Variants in H2BC5 observed in about 807,000 individuals in gnomAD.
The protein encoded by H2BC5 is histone H2B type 1-D.
A neutral mutation model predicts 5.7 loss-of-function variants in H2BC5; 9 were observed. The ratio of observed to expected loss-of-function variants is 1.57; its 90% CI spans 0.95 to 2.74. The LOEUF (loss-of-function observed/expected upper bound fraction) is 2.74, where lower values mean the gene tolerates loss of function less well. H2BC5 is among the 30% of genes most tolerant of loss of function. The pLI is 0.00. For synonymous variants in H2BC5, 133 were observed against 70.9 expected, an observed-to-expected ratio of 1.88 and a Z score of -4.40; for missense variants, 175 against 168.8, an observed-to-expected ratio of 1.04 and a Z score of -0.20.
At position 26,158,379 on chromosome 6, in the gene H2BC5, C is replaced by T. The variant is rs868416567; in HGVS notation, c.210C>T (p.Ile70=). The change falls in exon 1 of 1, where the codon ATC becomes ATT. Residue 70 remains isoleucine (I), a synonymous_variant. Coordinates refer to ENST00000377777, the MANE Select transcript of H2BC5 (RefSeq NM_021063.4). ...TCATGAATTCCTTCGTCAACGACAT[C>T]TTCGAGCGCATCGCAGGCGAGGCTT... ...MGIMNSFVND[I]FERIAGEASR... 6 of 1,614,146 alleles carry T rather than the reference C, an allele frequency of 3.7e-6. No individual in the cohort carries two copies. The highest frequency in any genetic ancestry group is 5.1e-6 in the Non-Finnish European group (6 of 1,180,052).
In H2BC5 at chr6:26,158,429, G is replaced by A. The variant is rs1166967098; in HGVS notation, c.260G>A (p.Arg87His). Residue 87 changes from arginine to histidine, a missense_variant, in exon 1 of 1, where the codon CGC (arginine) becomes CAC (histidine). By Grantham distance (29) the Arg-to-His change is conservative (BLOSUM62 0). Transcript: ENST00000377777. ...EASRLAHYNK[R>H]STITSREIQT... ...TCCCGCCTGGCGCATTACAACAAGCGCTCGACCATCACCTCCAGGGAGATC... is the reference window on the plus strand; with the variant it reads ...TCCCGCCTGGCGCATTACAACAAGCACTCGACCATCACCTCCAGGGAGATC... The A allele has an allele frequency of 9.3e-6, 15 of 1,614,250 alleles. No homozygotes were observed. The highest frequency in any genetic ancestry group is 2.2e-5 in the East Asian group (1 of 44,884).
At chr6:26,162,478 G>C (rs538586310), downstream of H2BC5, among the ~76,000 whole-genome samples, 1 of 152,144 alleles carries the variant, frequency 6.6e-6, no homozygotes, top group Admixed American at 6.5e-5. Context: ...AATTGCTTTT[G>C]TGTGTATGTG....
chr6:26,158,151 T>C lies in H2BC5; in HGVS notation c.-19T>C, dbSNP rs370213423. The C allele has an allele frequency of 4.4e-6, 7 of 1,607,532 alleles. No homozygotes were observed. In the African/African-American group the frequency reaches 8.1e-5, roughly 19 times the overall value. Reference sequence around the variant, plus strand: ...TTTTCTCAGGTGTTTGCAACAGTGTTCTAACTATTAACGCTACGATGCCTG... The same window carrying C: ...TTTTCTCAGGTGTTTGCAACAGTGTCCTAACTATTAACGCTACGATGCCTG... On this transcript the variant is annotated 5_prime_UTR_variant, in exon 1 of 1. Coordinates refer to ENST00000377777, the MANE Select transcript of H2BC5 (RefSeq NM_021063.4).
chr6:26,162,802 G>T (rs986267947), downstream of H2BC5, among the ~76,000 whole-genome samples: 4 of 152,182 alleles, frequency 2.6e-5, no homozygotes, highest in African/African-American at 9.6e-5. Context: ...GGGTCCCAAA[G>T]TGCTGGGATT....
downstream of H2BC5, among the ~76,000 whole-genome samples, chr6:26,159,836 T>C (rs1764324079): frequency 6.6e-6 from 1 of 152,132 alleles, no homozygotes; most frequent in African/African-American, 2.4e-5. Flanking sequence ...GCCTGAGTAA[T>C]ATTTTCTAAA....
chr6:26,167,404 G>A (rs779079639), intron 1 of H2BC5, among the ~76,000 whole-genome samples: 19 of 152,324 alleles, frequency 1.2e-4, no homozygotes, highest in Non-Finnish European at 2.1e-4. Context: ...GGGAACAAAT[G>A]CACTACCAGT....
chr6:26,166,446 G>C (rs920942153), intron 1 of H2BC5, among the ~76,000 whole-genome samples: 22 of 152,066 alleles, frequency 1.4e-4, no homozygotes, highest in African/African-American at 5.3e-4. Context: ...TTCAGGTCAC[G>C]CAGCCATGTA....
At chr6:26,167,505 G>A (rs2113837942) in intron 1 of H2BC5, among the ~76,000 whole-genome samples, 1 of 152,320 alleles carries the variant, frequency 6.6e-6, no homozygotes, top group South Asian at 2.1e-4. Context: ...AAATATTTTT[G>A]TGTTGTTCTA....
Position 26,158,253 on chromosome 6 carries a change from G to A in H2BC5, c.84G>A (p.Lys28=), listed in dbSNP as rs1281090262. ...AVTKAQKKDG[K]KRKRSRKESY... ...CTAAGGCTCAGAAGAAGGACGGGAAGAAGCGCAAGCGCAGCCGCAAGGAGA... is the reference window on the plus strand; with the variant it reads ...CTAAGGCTCAGAAGAAGGACGGGAAAAAGCGCAAGCGCAGCCGCAAGGAGA... The change falls in exon 1 of 1, where the codon AAG becomes AAA. Residue 28 remains lysine (K), a synonymous_variant. Transcript: ENST00000377777. The A allele has an allele frequency of 1.9e-6, 3 of 1,614,146 alleles. No homozygotes were observed. The highest frequency in any genetic ancestry group is 2.5e-6 in the Non-Finnish European group (3 of 1,180,056).
downstream of H2BC5, chr6:26,158,704 G>A (rs188569752): frequency 2.4e-4 from 303 of 1,242,602 alleles, 3 homozygotes; most frequent in East Asian, 7.5e-3. Flanking sequence ...TAGTACTGCA[G>A]AGGAAATAAC....
Position 26,158,415 on chromosome 6 carries a change from G to C in H2BC5, c.246G>C (p.Ala82=). Residue 82 remains alanine (A), a synonymous_variant, in exon 1 of 1, where the codon GCG becomes GCC. Coordinates refer to ENST00000377777, the MANE Select transcript of H2BC5 (RefSeq NM_021063.4). ...ERIAGEASRL[A]HYNKRSTITS... is the part of the protein sequence containing the mutation. ...TCGCAGGCGAGGCTTCCCGCCTGGCGCATTACAACAAGCGCTCGACCATCA... is the reference window on the plus strand; with the variant it reads ...TCGCAGGCGAGGCTTCCCGCCTGGCCCATTACAACAAGCGCTCGACCATCA... The C allele has an allele frequency of 6.2e-7, 1 of 1,614,258 alleles. No individual in the cohort carries two copies. The highest frequency in any genetic ancestry group is 2.2e-5 in the East Asian group (1 of 44,884).
chr6:26,159,251 T>TTTTTTTTG (rs1764306360), downstream of H2BC5, among the ~76,000 whole-genome samples: 1 of 138,454 alleles, frequency 7.2e-6, no homozygotes, highest in African/African-American at 2.7e-5. Flanking sequence ...AGGTTTTTTT[T>TTTTTTTTG]TTTTTTTTTT....
At position 26,158,329 on chromosome 6, in the gene H2BC5, G is replaced by C; in HGVS notation, c.160G>C (p.Gly54Arg). ...KVLKQVHPDT[G>R]ISSKAMGIMN... ...GCTGAAGCAGGTCCATCCCGACACC[G>C]GCATCTCTTCCAAGGCAATGGGGAT... The change falls in exon 1 of 1, where the codon GGC becomes CGC. Residue 54 changes from glycine to arginine, a missense_variant. Around this residue, in one of 4 missense-constraint regions of H2BC5, gnomAD observed 119 missense variants for 85.6 expected, o/e 1.39. Transcript: ENST00000377777. 6.2e-7 allele frequency: 1 copy of C among 1,614,216 alleles called. No homozygotes were observed. Among genetic ancestry groups the C allele is most frequent in the Non-Finnish European group, 8.5e-7 (1 of 1,180,040 alleles).
chr6:26,167,868 G>A (rs1192111164), intron 1 of H2BC5, among the ~76,000 whole-genome samples: 1 of 151,656 alleles, frequency 6.6e-6, no homozygotes, highest in African/African-American at 2.4e-5. Flanking sequence ...ATGGGCTAGG[G>A]TATCATATTT....
At chr6:26,167,792 CA>C (rs556394110) in intron 1 of H2BC5, among the ~76,000 whole-genome samples, 13 of 151,940 alleles carry the variant, frequency 8.6e-5, no homozygotes, top group Non-Finnish European at 1.5e-4. Context: ...TCATTGGAGA[CA>C]AAAACTTGTC....
downstream of H2BC5, among the ~76,000 whole-genome samples, chr6:26,160,504 T>A (rs1581433314): frequency 9.4e-6 from 1 of 106,096 alleles, no homozygotes; most frequent in Non-Finnish European, 1.8e-5. Context: ...AAGTTTGAGA[T>A]CCTGTCTCTG....
At chr6:26,159,047 G>A (rs1417697981), downstream of H2BC5, among the ~76,000 whole-genome samples, 2 of 152,104 alleles carry the variant, frequency 1.3e-5, no homozygotes, top group Non-Finnish European at 2.9e-5. Flanking sequence ...AAGACAATGT[G>A]AGCTGAACAC....
At chr6:26,166,534 G>A (rs1008424327) in intron 1 of H2BC5, among the ~76,000 whole-genome samples, 5 of 152,158 alleles carry the variant, frequency 3.3e-5, no homozygotes, top group Non-Finnish European at 5.9e-5. Flanking sequence ...GGGATGTGGG[G>A]GAAGGCTGTT....
At chr6:26,159,811 G>C (rs1224454920), downstream of H2BC5, among the ~76,000 whole-genome samples, 1 of 152,146 alleles carries the variant, frequency 6.6e-6, no homozygotes, top group Non-Finnish European at 1.5e-5. Context: ...GTGGTACTTG[G>C]ACGGATAAAT....
Sources: allele counts gnomAD v4.1 joint callset (sites outside exome capture counted in the v4.1 genomes callset), GRCh38; gene constraint gnomAD v4.1.1; regional missense constraint gnomAD v4.1.1; transcripts MANE v1.5; gene names NCBI Gene and HGNC (gene_info 2026-07-23, HGNC 2026-07-21).